Variants in RBL2 observed in about 807,000 individuals in gnomAD.
The protein encoded by RBL2 is RB transcriptional corepressor like 2, also known as retinoblastoma-like protein 2.
RBL2 carries 56 observed loss-of-function variants against 126.0 expected under a neutral mutation model. The observed-to-expected ratio is 0.44, with a 90% CI of 0.36 to 0.56. The LOEUF (loss-of-function observed/expected upper bound fraction) is 0.56, where lower values mean the gene tolerates loss of function less well. Ranked by LOEUF, RBL2 falls within the 20% of genes least tolerant of loss-of-function variation. The pLI, the probability that RBL2 is intolerant of heterozygous loss-of-function variation, is 0.00. For synonymous variants in RBL2, 454 were observed against 478.5 expected, an observed-to-expected ratio of 0.95 and a Z score of 0.67; for missense variants, 1,229 against 1,398.2, an observed-to-expected ratio of 0.88 and a Z score of 1.93.
At chr16:53,458,067 C>T (rs1244329932) in intron 8 of RBL2, among the ~76,000 whole-genome samples, 1 of 152,130 alleles carries the variant, frequency 6.6e-6, no homozygotes, top group African/African-American at 2.4e-5. Context: ...ATTTTATTGA[C>T]TTAATTATAG....
At chr16:53,473,139 T>C (rs1170059912) in intron 17 of RBL2, among the ~76,000 whole-genome samples, 3 of 152,188 alleles carry the variant, frequency 2.0e-5, no homozygotes, top group Non-Finnish European at 1.5e-5. Flanking sequence ...GAAATATGAG[T>C]GCTCCTACTT....
At position 53,479,169 on chromosome 16, in the gene RBL2, A is replaced by G. The variant is rs1197922937; in HGVS notation, c.2719A>G (p.Lys907Glu). The G allele has an allele frequency of 6.2e-7, 1 of 1,613,804 alleles. No individual in the cohort carries two copies. The highest frequency in any genetic ancestry group is 1.7e-5 in the Admixed American group (1 of 60,014). The change falls in exon 18 of 22, where the codon AAG (lysine) becomes GAG (glutamate). Residue 907 changes from lysine (K) to glutamate (E), a missense_variant. Lys to Glu is a moderately conservative substitution (Grantham distance 56). Coordinates refer to ENST00000262133, the MANE Select transcript of RBL2 (RefSeq NM_005611.4). ...YVMAKVTKED[K>E]SFQNIMRCYR... Reference sequence around the variant, plus strand: ...TGTTTGCCAGGTCACAAAAGAAGATAAGTCCTTCCAGAACATTATGCGTTG... The same window carrying G: ...TGTTTGCCAGGTCACAAAAGAAGATGAGTCCTTCCAGAACATTATGCGTTG...
chr16:53,481,432 G>T, intron 20 of RBL2: 1 of 407,900 alleles, frequency 2.5e-6, no homozygotes, highest in Non-Finnish European at 4.3e-6. Context: ...AGCATATGGG[G>T]TTGTTGTAAG....
intron 21 of RBL2, among the ~76,000 whole-genome samples, chr16:53,486,482 G>A (rs1373955987): frequency 6.6e-6 from 1 of 152,146 alleles, no homozygotes; most frequent in Non-Finnish European, 1.5e-5. Flanking sequence ...ATTGGTAAAT[G>A]CTACCAAACA....
At chr16:53,484,375 C>A (rs193030087) in intron 21 of RBL2, among the ~76,000 whole-genome samples, 1 of 152,068 alleles carries the variant, frequency 6.6e-6, no homozygotes, top group Non-Finnish European at 1.5e-5. Flanking sequence ...TGTAAATGGT[C>A]TAAATGTACC....
At chr16:53,467,613 C>T (rs2150811145) in intron 14 of RBL2, among the ~76,000 whole-genome samples, 1 of 152,324 alleles carries the variant, frequency 6.6e-6, no homozygotes, top group African/African-American at 2.4e-5. Context: ...GCCTTGAACT[C>T]CTGACCTCAA....
chr16:53,473,483 T>C (rs1960601034), intron 17 of RBL2, among the ~76,000 whole-genome samples: 1 of 151,530 alleles, frequency 6.6e-6, no homozygotes, highest in Admixed American at 6.6e-5. Context: ...TGCAAGTGTA[T>C]AGAAAAACAC....
chr16:53,461,920 T>A, intron 10 of RBL2, 70 bp downstream of exon 10: 1 of 1,336,348 alleles, frequency 7.5e-7, no homozygotes, highest in Non-Finnish European at 1.1e-6. Context: ...TCTTACTAAC[T>A]AAGAAAGATG....
intron 21 of RBL2, among the ~76,000 whole-genome samples, chr16:53,484,334 A>G (rs1344865838): frequency 1.3e-5 from 2 of 152,272 alleles, no homozygotes; most frequent in African/African-American, 2.4e-5. Flanking sequence ...AAAGGAGGAA[A>G]AAAGGAACAT....
chr16:53,435,105 C>T (rs1369891665), intron 1 of RBL2, among the ~76,000 whole-genome samples: 3 of 152,112 alleles, frequency 2.0e-5, no homozygotes, highest in African/African-American at 7.2e-5. Flanking sequence ...CCCCGCCCGC[C>T]TTGTTAGTAG....
chr16:53,476,845 C>T (rs570177772), intron 17 of RBL2, among the ~76,000 whole-genome samples: 3 of 152,072 alleles, frequency 2.0e-5, no homozygotes, highest in South Asian at 2.1e-4. Context: ...CTTTCATTTT[C>T]GAATGTATTT....
intron 1 of RBL2, 47 bp from the exon 2 acceptor site, chr16:53,438,969 T>G: frequency 1.5e-6 from 2 of 1,314,570 alleles, no homozygotes; most frequent in Non-Finnish European, 2.0e-6. Context: ...ATTGAAATAT[T>G]TATATGTAGC....
At chr16:53,448,608 T>G (rs1338816527) in intron 4 of RBL2, 1 of 152,322 alleles carries the variant, frequency 6.6e-6, no homozygotes, top group Non-Finnish European at 1.5e-5. Context: ...CTCAGCCTCT[T>G]GAGTAGCTGG....
chr16:53,450,986 C>T lies in RBL2; in HGVS notation c.638-717C>T, dbSNP rs146643214. On this transcript the variant is annotated intron_variant, in intron 4 of 21. Coordinates refer to ENST00000262133, the MANE Select transcript of RBL2 (RefSeq NM_005611.4). ...AGAATAATTAAGTGAATTATTTTTT[C>T]GGCTGTCTCCTAAGTATTTCTAATA... Among the ~76,000 whole-genome samples, 504 of 151,476 alleles carry T rather than the reference C, an allele frequency of 3.3e-3. 1 individual carries two copies. Among genetic ancestry groups the T allele is most frequent in the African/African-American group, 0.011 (454 of 41,322 alleles).
Position 53,470,656 on chromosome 16 carries a change from T to G in RBL2, c.2519T>G (p.Phe840Cys). Reference protein sequence around the residue: ...PRKTSSLSLFFRKVYHLAAVR... With the variant: ...PRKTSSLSLFCRKVYHLAAVR... ...AAGACCAGCTCTTTATCGCTTTTCT[T>G]TAGAAAGGTAATTTTTCACATACCT... The change falls in exon 16 of 22, where the codon TTT (phenylalanine) becomes TGT (cysteine). Residue 840 changes from phenylalanine (F) to cysteine (C), a missense_variant. This residue lies in a region of RBL2 where 1,070 missense variants were observed against 1,274.3 expected (regional missense o/e 0.84). Coordinates refer to ENST00000262133, the MANE Select transcript of RBL2 (RefSeq NM_005611.4). The G allele has an allele frequency of 6.2e-7, 1 of 1,613,772 alleles. No individual in the cohort carries two copies. The highest frequency in any genetic ancestry group is 1.3e-5 in the African/African-American group (1 of 75,024).
intron 19 of RBL2, 90 bp from the exon 20 acceptor site, chr16:53,480,477 G>C: frequency 9.4e-7 from 1 of 1,067,782 alleles, no homozygotes; most frequent in Admixed American, 2.2e-5. Flanking sequence ...AGTAGTGCAG[G>C]TAGCTGTTCC....
intron 20 of RBL2, chr16:53,481,211 G>T: frequency 5.7e-6 from 1 of 174,020 alleles, no homozygotes; most frequent in Non-Finnish European, 1.2e-5. Context: ...GAGGAGGTCT[G>T]TAATTTACCT....
At chr16:53,457,290 C>T (rs185961106) in intron 8 of RBL2, among the ~76,000 whole-genome samples, 3 of 55,276 alleles carry the variant, frequency 5.4e-5, no homozygotes, top group Admixed American at 1.6e-4. Flanking sequence ...GATGGAGTCT[C>T]GCTCTGTCAC....
rs2058310723 is a variant in RBL2, at chr16:53,470,366, T to C, written c.2246-17T>C. 1 of 1,604,466 alleles carries C rather than the reference T, an allele frequency of 6.2e-7. No individual in the cohort carries two copies. The highest frequency in any genetic ancestry group is 1.3e-5 in the African/African-American group (1 of 74,644). ...TATTATCAACATTTTCTTCATGCTT[T>C]TTTTCTCTGTCACTAGGTATTGCCA... On this transcript the variant is annotated splice_polypyrimidine_tract_variant and intron_variant, in intron 15 of 21. Transcript: ENST00000262133.
Sources: gnomAD v4.1 joint callset for allele counts (sites outside exome capture counted in the v4.1 genomes callset) on GRCh38, gnomAD v4.1.1 for gene constraint, gnomAD v4.1.1 regional missense constraint, MANE v1.5 for transcripts, NCBI Gene and HGNC (gene_info 2026-07-23, HGNC 2026-07-21) for gene names.